ZNF469: variants seen among roughly 807,000 people sequenced by gnomAD.
ZNF469 encodes zinc finger protein 469.
ZNF469 carries 1 observed loss-of-function variant against 1.0 expected under a neutral mutation model. The observed-to-expected ratio is 1.00, with a 90% CI of 0.35 to 4.73. The LOEUF is 4.73. Among genes scored for constraint, ZNF469 ranks in the 30% most tolerant of loss-of-function variants. The pLI is 0.16. For missense variants in ZNF469, 6,100 were observed against 5,356.3 expected, an observed-to-expected ratio of 1.14 and a Z score of -4.33; for synonymous variants, 2,703 against 2,363.4, an observed-to-expected ratio of 1.14 and a Z score of -4.17.
At chr16:88,243,260 G>A in the ZNF469 span, among the ~76,000 whole-genome samples, 618 of 152,228 alleles carry the variant, frequency 4.1e-3, 5 homozygotes, top group African/African-American at 0.014. Context: ...TGACAGATCC[G>A]TTCACAGCCT....
chr16:88,319,338 G>A, the ZNF469 span, among the ~76,000 whole-genome samples: 2 of 152,164 alleles, frequency 1.3e-5, no homozygotes, highest in East Asian at 1.9e-4. Context: ...TGAGCCGAAG[G>A]GGGCTCCTCG....
chr16:88,344,066 A>G, the ZNF469 span, among the ~76,000 whole-genome samples: 1 of 152,118 alleles, frequency 6.6e-6, no homozygotes, highest in Non-Finnish European at 1.5e-5. Context: ...TCGTCTAATC[A>G]TGAGAAAAAC....
In ZNF469 at chr16:88,433,561, G is replaced by C. The variant is rs273585622; in HGVS notation, c.6091G>C (p.Glu2031Gln). The C allele has an allele frequency of 1.9e-6, 3 of 1,550,346 alleles. No individual in the cohort carries two copies. In the South Asian group the frequency reaches 3.6e-5, roughly 18 times the overall value. The change falls in exon 3 of 3, where the codon GAG becomes CAG. Residue 2031 changes from glutamate to glutamine, a missense_variant. Transcript: ENST00000565624. The stretch of plus-strand genomic sequence containing the variant: ...CAAAACAGCGCTGACCGGCCCCACC[G>C]AGGGTGCAGTCCTGCTAGAGAAATG... ...SPKTALTGPTEGAVLLEKCKG... is the reference protein window; with the variant it reads ...SPKTALTGPTQGAVLLEKCKG...
the ZNF469 span, among the ~76,000 whole-genome samples, chr16:88,259,256 GC>G: frequency 2.7e-5 from 2 of 74,976 alleles, no homozygotes; most frequent in African/African-American, 1.0e-4. The surrounding 1 kb of genome is among the most constrained non-coding windows in gnomAD (Gnocchi z 4.1). Flanking sequence ...CCCACCCCCC[GC>G]CCCCCCGAAG....
At chr16:88,418,551 C>A (rs111397231) in intron 1 of ZNF469, among the ~76,000 whole-genome samples, 8 of 152,050 alleles carry the variant, frequency 5.3e-5, no homozygotes, top group African/African-American at 1.9e-4. Context: ...CCACCGCCCC[C>A]CCGGCCACCT....
At chr16:88,171,483 C>T in the ZNF469 span, among the ~76,000 whole-genome samples, 1 of 152,224 alleles carries the variant, frequency 6.6e-6, no homozygotes, top group Non-Finnish European at 1.5e-5. Context: ...AGGAACCCTA[C>T]CTTTCTGCCA....
chr16:88,337,835 C>T, the ZNF469 span, among the ~76,000 whole-genome samples: 4 of 152,224 alleles, frequency 2.6e-5, no homozygotes, highest in South Asian at 2.1e-4. Context: ...ATGGGGTTGT[C>T]TGGCTTTTTG....
chr16:88,338,115 C>T, the ZNF469 span, among the ~76,000 whole-genome samples: 1 of 152,144 alleles, frequency 6.6e-6, no homozygotes, highest in Non-Finnish European at 1.5e-5. Flanking sequence ...CATCCCATGG[C>T]CCATGGGCAA....
intron 1 of ZNF469, among the ~76,000 whole-genome samples, chr16:88,416,269 A>G (rs1010400439): frequency 3.2e-4 from 49 of 152,254 alleles, no homozygotes; most frequent in African/African-American, 9.9e-4. Flanking sequence ...CCGTTCCCAA[A>G]AACCAGAGGC....
At chr16:88,359,136 G>A in the ZNF469 span, among the ~76,000 whole-genome samples, 6 of 152,200 alleles carry the variant, frequency 3.9e-5, no homozygotes, top group African/African-American at 1.2e-4. Flanking sequence ...CCAGCAGCAC[G>A]TGAGTGTCCT....
the ZNF469 span, among the ~76,000 whole-genome samples, chr16:88,290,640 G>A: frequency 1.4e-3 from 219 of 152,278 alleles, no homozygotes; most frequent in African/African-American, 4.8e-3. Flanking sequence ...TAGAATTACC[G>A]ATATTGGGTC....
the ZNF469 span, among the ~76,000 whole-genome samples, chr16:88,111,689 T>C: frequency 8.6e-3 from 1,310 of 152,278 alleles, 14 homozygotes; most frequent in African/African-American, 0.029. Context: ...CAGGCTGGAG[T>C]GCAGTGGTGC....
chr16:88,218,572 T>C, the ZNF469 span, among the ~76,000 whole-genome samples: 1 of 152,146 alleles, frequency 6.6e-6, no homozygotes. Flanking sequence ...CAACAACGCT[T>C]CATGCTAAAA....
the ZNF469 span, among the ~76,000 whole-genome samples, chr16:88,170,886 A>T: frequency 2.0e-5 from 3 of 151,400 alleles, no homozygotes; most frequent in Admixed American, 6.6e-5. This position sits in a 1 kb window ranked among gnomAD's most constrained non-coding sequence, Gnocchi z 4.2. Context: ...ACCGCGAGCA[A>T]GTGTTGCCGC....
the ZNF469 span, among the ~76,000 whole-genome samples, chr16:88,222,263 G>C: frequency 3.3e-4 from 50 of 152,318 alleles, no homozygotes; most frequent in African/African-American, 1.2e-3. Flanking sequence ...TCACAGCCTG[G>C]ATCAAAGTTG....
At chr16:88,110,206 T>A in the ZNF469 span, among the ~76,000 whole-genome samples, 1 of 152,098 alleles carries the variant, frequency 6.6e-6, no homozygotes, top group Non-Finnish European at 1.5e-5. Context: ...CCCACCCCAG[T>A]ACCCGTCAGA....
chr16:88,409,086 G>A (rs1905081069), intron 1 of ZNF469, among the ~76,000 whole-genome samples: 1 of 152,182 alleles, frequency 6.6e-6, no homozygotes, highest in South Asian at 2.1e-4. Flanking sequence ...CTTCTCTCTG[G>A]GGGCCCCTCT....
At chr16:88,380,744 A>ACC (rs2092520312), upstream of ZNF469, among the ~76,000 whole-genome samples, 1 of 148,814 alleles carries the variant, frequency 6.7e-6, no homozygotes, top group Non-Finnish European at 1.5e-5. Flanking sequence ...GCACTCACAC[A>ACC]CAGACATGCA....
At chr16:88,277,346 CTCAG>C in the ZNF469 span, among the ~76,000 whole-genome samples, 1 of 149,070 alleles carries the variant, frequency 6.7e-6, no homozygotes, top group South Asian at 2.1e-4. Flanking sequence ...CACGCTGACG[CTCAG>C]TCAGTACCGT....
Sources: gnomAD v4.1 joint callset for allele counts (sites outside exome capture counted in the v4.1 genomes callset) on GRCh38, gnomAD v4.1.1 for gene constraint, Gnocchi (gnomAD v3.1) non-coding constraint, MANE v1.5 for transcripts, NCBI Gene and HGNC (gene_info 2026-07-23, HGNC 2026-07-21) for gene names.